The following ITPK1 variants were observed in gnomAD, a reference collection of about 807,000 sequenced individuals.
ITPK1 encodes inositol-tetrakisphosphate 1-kinase.
In ITPK1, 21 loss-of-function variants were observed where a neutral mutation model predicts 45.3. The ratio of observed to expected loss-of-function variants is 0.46; its 90% CI spans 0.33 to 0.67. The LOEUF is 0.67. Among genes scored for constraint, ITPK1 ranks in the 30% least tolerant of loss-of-function variants. The pLI, the probability that ITPK1 is intolerant of heterozygous loss-of-function variation, is 0.02. For synonymous variants in ITPK1, 258 were observed against 253.6 expected, an observed-to-expected ratio of 1.02 and a Z score of -0.16; for missense variants, 474 against 573.5, an observed-to-expected ratio of 0.83 and a Z score of 1.77.
At chr14:92,944,117 C>T (rs907740632) in intron 10 of ITPK1, among the ~76,000 whole-genome samples, 8 of 152,146 alleles carry the variant, frequency 5.3e-5, no homozygotes, top group Admixed American at 1.3e-4. Context: ...GCAGCTGTTG[C>T]GGTTATTACT....
At chr14:92,964,358 C>G (rs1429677536) in intron 5 of ITPK1, among the ~76,000 whole-genome samples, 7 of 152,154 alleles carry the variant, frequency 4.6e-5, no homozygotes, top group Admixed American at 3.9e-4. Flanking sequence ...GGACAAGGAG[C>G]CAGGCTCACC....
Position 92,938,416 on chromosome 14 carries a change from G to A in ITPK1, c.*3145C>T. ...ACGACAGGCTGGCTCCCTTGGTCTTGGGGTGGCTGTCTGGCAGGCAACAGC... is the reference window on the plus strand; with the variant it reads ...ACGACAGGCTGGCTCCCTTGGTCTTAGGGTGGCTGTCTGGCAGGCAACAGC... On this transcript the variant is annotated 3_prime_UTR_variant, in exon 11 of 11. Transcript: ENST00000267615. The A allele has an allele frequency of 8.0e-7, 1 of 1,246,308 alleles. No homozygotes were observed. Among genetic ancestry groups the A allele is most frequent in the Non-Finnish European group, 1.2e-6 (1 of 845,050 alleles). The allele number at this position is 1,246,308 out of a possible 1,614,324, so 77.2% of individuals were successfully genotyped here.
At chr14:93,086,741 G>A (rs1002685358) in intron 2 of ITPK1, among the ~76,000 whole-genome samples, 64 of 152,366 alleles carry the variant, frequency 4.2e-4, no homozygotes, top group African/African-American at 1.4e-3. Context: ...GCCAGGGCAC[G>A]CTAGAGAAGG....
At position 92,938,557 on chromosome 14, in the gene ITPK1, T is replaced by C; in HGVS notation, c.*3004A>G. ...TACAGAGAGGAATGTTTTTCCCAGG[T>C]TGCTTTCTCCTTTATTGACAGGCAT... On this transcript the variant is annotated 3_prime_UTR_variant, in exon 11 of 11. Transcript: ENST00000267615. The C allele has an allele frequency of 6.3e-7, 1 of 1,598,544 alleles. No homozygotes were observed. Among genetic ancestry groups the C allele is most frequent in the Non-Finnish European group, 8.6e-7 (1 of 1,166,254 alleles).
intron 5 of ITPK1, 148 bp from the exon 6 acceptor site, chr14:92,962,997 C>T (rs1885171200): frequency 3.5e-6 from 2 of 568,404 alleles, no homozygotes; most frequent in Admixed American, 3.4e-5. Flanking sequence ...CCCATGTGCT[C>T]GTGTGTGTGA....
intron 5 of ITPK1, among the ~76,000 whole-genome samples, chr14:92,993,366 T>G (rs1385574346): frequency 6.6e-6 from 1 of 152,092 alleles, no homozygotes; most frequent in African/African-American, 2.4e-5. Flanking sequence ...GGCGTCAGGG[T>G]GAGCCCTCAG....
intron 3 of ITPK1, among the ~76,000 whole-genome samples, chr14:93,018,437 G>A (rs1349498136): frequency 6.6e-6 from 1 of 152,054 alleles, no homozygotes; most frequent in African/African-American, 2.4e-5. Flanking sequence ...CCTCTCCGTT[G>A]CACCCCCGGA....
chr14:93,035,243 G>A (rs1889265188), intron 3 of ITPK1, among the ~76,000 whole-genome samples: 1 of 152,252 alleles, frequency 6.6e-6, no homozygotes, highest in Non-Finnish European at 1.5e-5. Flanking sequence ...GGGCAGCAGG[G>A]ATGGCCTCAA....
chr14:93,026,242 T>C (rs1888722807), intron 3 of ITPK1, among the ~76,000 whole-genome samples: 1 of 152,234 alleles, frequency 6.6e-6, no homozygotes, highest in Non-Finnish European at 1.5e-5. Flanking sequence ...GCAGCTTATA[T>C]CACAAATGAC....
intron 2 of ITPK1, among the ~76,000 whole-genome samples, chr14:93,094,134 C>T (rs1008183915): frequency 6.6e-6 from 1 of 152,242 alleles, no homozygotes; most frequent in African/African-American, 2.4e-5. Context: ...TGTGAGGAGC[C>T]TCAGTTTCCT....
At chr14:93,040,640 T>A (rs1212645625) in intron 3 of ITPK1, among the ~76,000 whole-genome samples, 2 of 152,226 alleles carry the variant, frequency 1.3e-5, no homozygotes, top group South Asian at 2.1e-4. Flanking sequence ...CCTGGTGAGC[T>A]CCCAGCCTTC....
chr14:92,941,921 G>A lies in ITPK1; in HGVS notation c.902-17C>T. 1.2e-6 allele frequency: 2 copies of A among 1,607,730 alleles called. No homozygotes were observed. The highest frequency in any genetic ancestry group is 1.7e-6 in the Non-Finnish European group (2 of 1,177,690). ...CCTCGTAGCCTGGGGGTGGGAGAGA[G>A]ACAGCACAAGGGGCGTGAGCCAGGG... On this transcript the variant is annotated splice_polypyrimidine_tract_variant and intron_variant, in intron 10 of 10. Transcript: ENST00000267615.
chr14:92,957,495 G>A (rs183785549), intron 8 of ITPK1, among the ~76,000 whole-genome samples: 301 of 152,320 alleles, frequency 2.0e-3, no homozygotes, highest in African/African-American at 6.5e-3. Flanking sequence ...GTGAGCAGCT[G>A]GCGGAAGGAA....
chr14:93,110,381 C>T (rs1052033306), intron 2 of ITPK1, among the ~76,000 whole-genome samples: 1 of 152,208 alleles, frequency 6.6e-6, no homozygotes, highest in Non-Finnish European at 1.5e-5. Flanking sequence ...CACCCACAGA[C>T]CAGCATCACT....
At chr14:93,097,585 TTTAGGATGGG>T (rs1268810394) in intron 2 of ITPK1, among the ~76,000 whole-genome samples, 1 of 152,216 alleles carries the variant, frequency 6.6e-6, no homozygotes, top group Non-Finnish European at 1.5e-5. Flanking sequence ...GCCAGTAGTT[TTTAGGATGGG>T]TTGTTATGCA....
chr14:92,972,441 G>A (rs1227351108), intron 5 of ITPK1, among the ~76,000 whole-genome samples: 1 of 152,134 alleles, frequency 6.6e-6, no homozygotes, highest in Non-Finnish European at 1.5e-5. Context: ...AGGCCAAGGA[G>A]GGAGGCCTCA....
intron 3 of ITPK1, among the ~76,000 whole-genome samples, chr14:93,052,541 C>A (rs1414064631): frequency 6.6e-6 from 1 of 152,156 alleles, no homozygotes; most frequent in African/African-American, 2.4e-5. Flanking sequence ...CTTATCTGTC[C>A]TTCTGTGAGG....
chr14:92,987,400 G>A (rs1215241954), intron 5 of ITPK1, among the ~76,000 whole-genome samples: 1 of 152,172 alleles, frequency 6.6e-6, no homozygotes, highest in African/African-American at 2.4e-5. Flanking sequence ...TCAACTGAGA[G>A]CCCGGCCAGC....
At chr14:93,092,061 A>C (rs1891886415) in intron 2 of ITPK1, among the ~76,000 whole-genome samples, 1 of 152,172 alleles carries the variant, frequency 6.6e-6, no homozygotes, top group Non-Finnish European at 1.5e-5. Flanking sequence ...TTTTACACAG[A>C]AGAGAGCCCA....
Sources: allele counts gnomAD v4.1 joint callset (sites outside exome capture counted in the v4.1 genomes callset), GRCh38; gene constraint gnomAD v4.1.1; transcripts MANE v1.5; gene names NCBI Gene and HGNC (gene_info 2026-07-23, HGNC 2026-07-21).